The following EXOC3 variants were observed in gnomAD, a reference collection of about 807,000 sequenced individuals.
The protein encoded by EXOC3 is SEC6-like 1.
In EXOC3, 21 loss-of-function variants were observed where a neutral mutation model predicts 73.7. That is an observed-to-expected ratio of 0.29 (90% CI 0.20 to 0.41). The LOEUF (loss-of-function observed/expected upper bound fraction) is 0.41. EXOC3 is among the 10% of genes least tolerant of loss of function. The pLI, the probability that EXOC3 is intolerant of heterozygous loss-of-function variation, is 1.00. For missense variants in EXOC3, 842 were observed against 985.1 expected, an observed-to-expected ratio of 0.85 and a Z score of 1.95; for synonymous variants, 410 against 389.1, an observed-to-expected ratio of 1.05 and a Z score of -0.63.
intron 2 of EXOC3, among the ~76,000 whole-genome samples, chr5:446,741 C>T (rs1223872818): frequency 6.6e-6 from 1 of 152,084 alleles, no homozygotes; most frequent in African/African-American, 2.4e-5. Flanking sequence ...CCTGTAATCC[C>T]AGCTACTTGG....
At position 467,252 on chromosome 5, in the gene EXOC3, C is replaced by T. The variant is rs1002637587; in HGVS notation, c.*354C>T. On this transcript the variant is annotated 3_prime_UTR_variant, in exon 13 of 13. Transcript: ENST00000512944. ...CCCATCTGCTTAAGTGCTCGGAACCCCGTCACCTAATTAAAGTTTCTCGGC... is the reference window on the plus strand; with the variant it reads ...CCCATCTGCTTAAGTGCTCGGAACCTCGTCACCTAATTAAAGTTTCTCGGC... The T allele has an allele frequency of 7.9e-6, 2 of 252,248 alleles. No individual in the cohort carries two copies. Among genetic ancestry groups the T allele is most frequent in the Non-Finnish European group, 1.5e-5 (2 of 132,678 alleles). 15.6% of individuals were successfully genotyped at this position (252,248 alleles called of 1,614,324 possible). A position where few individuals can be genotyped will look rare whatever the true frequency, so the allele number is the denominator to read the frequency against.
At chr5:443,417 G>A (rs1579728590) in intron 1 of EXOC3, 127 bp downstream of exon 1, 1 of 152,504 alleles carries the variant, frequency 6.6e-6, no homozygotes, top group South Asian at 2.0e-4. Context: ...GGACCTGGAG[G>A]GCGGGGAGGC....
intron 7 of EXOC3, among the ~76,000 whole-genome samples, chr5:461,049 T>C (rs750415381): frequency 6.6e-6 from 1 of 152,232 alleles, no homozygotes; most frequent in Non-Finnish European, 1.5e-5. Context: ...TCTTGACATT[T>C]CAAGTGTCTG....
intron 7 of EXOC3, among the ~76,000 whole-genome samples, chr5:460,451 G>A (rs1737950512): frequency 6.6e-6 from 1 of 152,136 alleles, no homozygotes; most frequent in Non-Finnish European, 1.5e-5. Context: ...TGTCCTGGTG[G>A]CTTAGGTACT....
intron 7 of EXOC3, among the ~76,000 whole-genome samples, chr5:460,704 A>G (rs896663329): frequency 1.3e-5 from 2 of 152,174 alleles, no homozygotes; most frequent in South Asian, 2.1e-4. Context: ...TTGGCCTTCT[A>G]TCCACAGAGG....
At position 444,122 on chromosome 5, in the gene EXOC3, G is replaced by T. The variant is rs964356926; in HGVS notation, c.-57+832G>T. Among the ~76,000 whole-genome samples, 5 of 152,248 alleles carry T rather than the reference G, an allele frequency of 3.3e-5. No homozygotes were observed. In the South Asian group the frequency reaches 1.0e-3, roughly 31 times the overall value. On this transcript the variant is annotated intron_variant, in intron 1 of 12. Transcript: ENST00000512944. The stretch of plus-strand genomic sequence containing the variant: ...GGGTGCTGATGTTCCCCGCAGTAGG[G>T]TGTCCCCCCGCTCGGCGGAGAGGCT...
At position 464,411 on chromosome 5, in the gene EXOC3, A is replaced by G. The variant is rs1457394792; in HGVS notation, c.1775A>G (p.Lys592Arg). 1 of 1,613,368 alleles carries G rather than the reference A, an allele frequency of 6.2e-7. No individual in the cohort carries two copies. The highest frequency in any genetic ancestry group is 8.5e-7 in the Non-Finnish European group (1 of 1,179,494). The part of the protein sequence containing the change: ...DFAKIKKPYK[K>R]RMTAEAHRRV... ...GCCAAAATTAAAAAGCCGTATAAGA[A>G]GGTAAGAAGGTGGGACCTAGTTCCC... Residue 592 changes from lysine (K) to arginine (R), a missense_variant and splice_region_variant, in exon 10 of 13, where the codon AAG becomes AGG. Physicochemically the swap from Lys to Arg is conservative, Grantham distance 26 (BLOSUM62 2). Coordinates refer to ENST00000512944, the MANE Select transcript of EXOC3 (RefSeq NM_007277.5).
chr5:454,969 G>A (rs922172365), intron 4 of EXOC3, among the ~76,000 whole-genome samples: 4 of 150,076 alleles, frequency 2.7e-5, no homozygotes, highest in African/African-American at 9.9e-5. Context: ...CAGAAGGACA[G>A]AAGAGAAAGG....
Position 446,134 on chromosome 5 carries a change from C to A in EXOC3, c.-56-16C>A. The A allele has an allele frequency of 6.3e-7, 1 of 1,580,710 alleles. No individual in the cohort carries two copies. The highest frequency in any genetic ancestry group is 1.3e-5 in the African/African-American group (1 of 74,326). Reference sequence around the variant, plus strand: ...TTTTGTACCTAACATTTCTACCGTCCTAACAACTCCTGCAGTGCACAGAGA... The same window carrying A: ...TTTTGTACCTAACATTTCTACCGTCATAACAACTCCTGCAGTGCACAGAGA... On this transcript the variant is annotated splice_polypyrimidine_tract_variant and intron_variant, in intron 1 of 12. Transcript: ENST00000512944.
chr5:443,940 C>T (rs1456609724), intron 1 of EXOC3, among the ~76,000 whole-genome samples: 3 of 151,464 alleles, frequency 2.0e-5, no homozygotes, highest in Admixed American at 6.6e-5. Context: ...GTGCAGGTGT[C>T]CTCCAAGGTG....
At chr5:457,191 C>T (rs1737844193) in intron 5 of EXOC3, 185 bp downstream of exon 5, 5 of 594,340 alleles carry the variant, frequency 8.4e-6, no homozygotes, top group South Asian at 5.8e-5. Flanking sequence ...GAGAATGGCC[C>T]CTTCTCTGGG....
Position 465,850 on chromosome 5 carries a change from G to C in EXOC3, c.2066+5G>C, listed in dbSNP as rs1208213435. On this transcript the variant is annotated splice_donor_5th_base_variant and intron_variant, in intron 12 of 12. Coordinates refer to ENST00000512944, the MANE Select transcript of EXOC3 (RefSeq NM_007277.5). Reference sequence around the variant, plus strand: ...CAGCAAGTATCCAGACATCAGGTAAGGGATGCACGTCTTAGAATCCTGCCT... The same window carrying C: ...CAGCAAGTATCCAGACATCAGGTAACGGATGCACGTCTTAGAATCCTGCCT... 1 of 1,607,586 alleles carries C rather than the reference G, an allele frequency of 6.2e-7. No homozygotes were observed. Among genetic ancestry groups the C allele is most frequent in the Admixed American group, 1.7e-5 (1 of 59,152 alleles).
At position 444,653 on chromosome 5, in the gene EXOC3, G is replaced by A. The variant is rs59596275; in HGVS notation, c.-57+1363G>A. On this transcript the variant is annotated intron_variant, in intron 1 of 12. Coordinates refer to ENST00000512944, the MANE Select transcript of EXOC3 (RefSeq NM_007277.5). ...AAAGAAACTCAAAGGGAAAAAACTG[G>A]AAGGAAACAAGCCCTGTTGGAGGGA... Among the ~76,000 whole-genome samples the A allele has an allele frequency of 1.8e-3, 164 of 91,858 alleles. 1 individual carries two copies. Among genetic ancestry groups the A allele is most frequent in the African/African-American group, 4.5e-3 (164 of 36,618 alleles). The allele number at this position is 91,858 out of a possible 152,430, so 60.3% of individuals were successfully genotyped here. A position where few individuals can be genotyped will look rare whatever the true frequency, so the allele number is the denominator to read the frequency against.
chr5:448,817 C>T (rs958134842), intron 3 of EXOC3, among the ~76,000 whole-genome samples: 2 of 152,190 alleles, frequency 1.3e-5, no homozygotes, highest in Non-Finnish European at 2.9e-5. Flanking sequence ...TTGTGTGTGC[C>T]CTTCTTCCAG....
intron 11 of EXOC3, 78 bp downstream of exon 11, chr5:465,350 C>G: frequency 6.9e-7 from 1 of 1,453,666 alleles, no homozygotes; most frequent in South Asian, 1.2e-5. Context: ...GGGACTCGGG[C>G]CAGTAGATGG....
In EXOC3 at chr5:451,649, C is replaced by G. The variant is rs193173431; in HGVS notation, c.365-1721C>G. Among the ~76,000 whole-genome samples, 591 of 152,244 alleles carry G rather than the reference C, an allele frequency of 3.9e-3. 1 individual carries two copies. The highest frequency in any genetic ancestry group is 6.5e-3 in the Non-Finnish European group (445 of 68,030). On this transcript the variant is annotated intron_variant, in intron 3 of 12. Transcript: ENST00000512944. The stretch of plus-strand genomic sequence containing the variant: ...GTCCATGAATTTACCTTTTTTGAGG[C>G]CTTTGCTTCTTCACGTGGCTTCCAG...
rs768842231 is a variant in EXOC3, at chr5:459,113, G to A, written c.1291-246G>A. ...TAGTGTGAGGACAGACATGGCCCCCGTGGGAGAAACCAGTTTGCCAGGAAT... is the reference window on the plus strand; with the variant it reads ...TAGTGTGAGGACAGACATGGCCCCCATGGGAGAAACCAGTTTGCCAGGAAT... On this transcript the variant is annotated intron_variant, in intron 6 of 12. Coordinates refer to ENST00000512944, the MANE Select transcript of EXOC3 (RefSeq NM_007277.5). Among the ~76,000 whole-genome samples the A allele has an allele frequency of 7.9e-5, 12 of 152,100 alleles. 1 individual carries two copies. The highest frequency in any genetic ancestry group is 6.5e-4 in the Admixed American group (10 of 15,274).
intron 3 of EXOC3, 136 bp downstream of exon 3, chr5:447,888 C>T (rs2126572808): frequency 1.6e-6 from 1 of 644,178 alleles, no homozygotes; most frequent in Non-Finnish European, 2.7e-6. Flanking sequence ...GTCTGCTCAG[C>T]GTCTTTTTTT....
chr5:446,087 T>C, intron 1 of EXOC3, 63 bp from the exon 2 acceptor site: 1 of 1,133,028 alleles, frequency 8.8e-7, no homozygotes, highest in Non-Finnish European at 1.3e-6. Context: ...TCCACTGTGA[T>C]CACCTGATAG....
Sources: allele counts gnomAD v4.1 joint callset (sites outside exome capture counted in the v4.1 genomes callset), GRCh38; gene constraint gnomAD v4.1.1; transcripts MANE v1.5; gene names NCBI Gene and HGNC (gene_info 2026-07-23, HGNC 2026-07-21).